The following VAV3 variants were observed in gnomAD, a reference collection of about 807,000 sequenced individuals.
VAV3 encodes the protein guanine nucleotide exchange factor VAV3.
A neutral mutation model predicts 131.2 loss-of-function variants in VAV3; 94 were observed. The observed-to-expected ratio is 0.72, with a 90% CI of 0.61 to 0.85. The LOEUF (loss-of-function observed/expected upper bound fraction) is 0.85, where lower values mean the gene tolerates loss of function less well. Ranked by LOEUF, VAV3 falls within the 40% of genes least tolerant of loss-of-function variation. The pLI is 0.00. For missense variants in VAV3, 939 were observed against 1,002.7 expected (o/e 0.94, Z 0.86); for synonymous variants, 349 against 342.0 (o/e 1.02, Z -0.22).
At chr1:107,800,301 A>T (rs907345328) in intron 2 of VAV3, among the ~76,000 whole-genome samples, 2 of 152,142 alleles carry the variant, frequency 1.3e-5, no homozygotes, top group Non-Finnish European at 2.9e-5. Flanking sequence ...TACCATTTAC[A>T]TTCCCACCAA....
At chr1:107,663,454 T>C (rs757718451) in intron 19 of VAV3, among the ~76,000 whole-genome samples, 5 of 152,162 alleles carry the variant, frequency 3.3e-5, no homozygotes, top group African/African-American at 4.8e-5. Context: ...AAACTTTCTC[T>C]AGATTTTTGA....
At chr1:107,737,706 C>T (rs531798829) in intron 15 of VAV3, among the ~76,000 whole-genome samples, 57 of 152,280 alleles carry the variant, frequency 3.7e-4, no homozygotes, top group African/African-American at 1.3e-3. Context: ...CAGGAAACAA[C>T]AGGTGCTGGA....
chr1:107,812,967 C>A (rs191535121), intron 2 of VAV3, among the ~76,000 whole-genome samples: 51 of 151,750 alleles, frequency 3.4e-4, no homozygotes, highest in African/African-American at 1.1e-3. Flanking sequence ...ACTAAAAATA[C>A]AAAAAATTAG....
intron 15 of VAV3, among the ~76,000 whole-genome samples, chr1:107,736,176 C>G (rs538886302): frequency 6.6e-6 from 1 of 152,312 alleles, no homozygotes; most frequent in South Asian, 2.1e-4. Flanking sequence ...ACTGAAAACT[C>G]TCAATAAACT....
chr1:107,615,451 C>T (rs934247298), intron 21 of VAV3, among the ~76,000 whole-genome samples: 1 of 152,056 alleles, frequency 6.6e-6, no homozygotes, highest in Admixed American at 6.6e-5. Context: ...AAAATCAGCT[C>T]GAGATGGATT....
At chr1:107,625,320 G>GCGAT (rs1203926587) in intron 20 of VAV3, among the ~76,000 whole-genome samples, 9 of 150,804 alleles carry the variant, frequency 6.0e-5, no homozygotes, top group African/African-American at 2.2e-4. Flanking sequence ...GTGCAATGGC[G>GCGAT]CGATCTCTGG....
At chr1:107,585,492 C>T (rs1004902961) in intron 25 of VAV3, among the ~76,000 whole-genome samples, 1 of 152,114 alleles carries the variant, frequency 6.6e-6, no homozygotes, top group Non-Finnish European at 1.5e-5. Context: ...TCCTTTAGGG[C>T]CTTAAGTGAT....
chr1:107,574,009 C>G, intron 26 of VAV3, 38 bp downstream of exon 26: 3 of 1,607,244 alleles, frequency 1.9e-6, no homozygotes, highest in Non-Finnish European at 2.5e-6. Context: ...CAGTCCCCTT[C>G]TTTCACATGC....
intron 1 of VAV3, among the ~76,000 whole-genome samples, chr1:107,888,833 ATTT>A (rs1215061903): frequency 6.6e-6 from 1 of 151,686 alleles, no homozygotes; most frequent in Non-Finnish European, 1.5e-5. Context: ...ATTACATTCT[ATTT>A]TCTGTCTATA....
intron 2 of VAV3, 54 bp downstream of exon 2, chr1:107,874,847 T>G: frequency 6.7e-7 from 1 of 1,484,306 alleles, no homozygotes; most frequent in South Asian, 1.1e-5. Flanking sequence ...TTTGAAACAA[T>G]TTGCTTAAAT....
chr1:107,964,900 G>T lies in VAV3; in HGVS notation c.-31C>A, dbSNP rs753779704. On this transcript the variant is annotated 5_prime_UTR_variant, in exon 1 of 27. Transcript: ENST00000370056. The stretch of plus-strand genomic sequence containing the variant: ...ACGGCTCCGGGACGCGGCTGGGCCG[G>T]GGCGGGCGGCAAGGATGCGGCCGCC... 1.1e-5 allele frequency: 15 copies of T among 1,352,598 alleles called. No individual in the cohort carries two copies. Among genetic ancestry groups the T allele is most frequent in the African/African-American group, 1.5e-5 (1 of 66,246 alleles). 83.8% of individuals were successfully genotyped at this position (1,352,598 alleles called of 1,614,324 possible).
chr1:107,850,577 G>T (rs773800520), intron 2 of VAV3, among the ~76,000 whole-genome samples: 7 of 151,922 alleles, frequency 4.6e-5, no homozygotes, highest in African/African-American at 1.5e-4. Flanking sequence ...GTCGAGGGGT[G>T]GGGGGCAAGG....
intron 2 of VAV3, among the ~76,000 whole-genome samples, chr1:107,790,134 G>A (rs1036841979): frequency 2.0e-5 from 3 of 152,202 alleles, no homozygotes; most frequent in Non-Finnish European, 2.9e-5. Flanking sequence ...ACTTCTAGAA[G>A]CCCATGGCCT....
intron 17 of VAV3, among the ~76,000 whole-genome samples, chr1:107,688,897 T>C (rs1429977867): frequency 6.6e-6 from 1 of 152,184 alleles, no homozygotes; most frequent in Non-Finnish European, 1.5e-5. Flanking sequence ...CTTTTATTTT[T>C]AATTTTGGCA....
chr1:107,607,969 G>A (rs1156605517), intron 22 of VAV3, among the ~76,000 whole-genome samples: 15 of 152,136 alleles, frequency 9.9e-5, no homozygotes, highest in Admixed American at 9.8e-4. Flanking sequence ...TTCTGGGGGA[G>A]TTGATCATTT....
intron 2 of VAV3, among the ~76,000 whole-genome samples, chr1:107,804,204 G>A (rs1666956083): frequency 6.6e-6 from 1 of 152,048 alleles, no homozygotes; most frequent in Admixed American, 6.6e-5. Flanking sequence ...TCCAGCCTAT[G>A]TCTTTTAATT....
At chr1:107,724,247 T>C (rs969890315) in intron 15 of VAV3, among the ~76,000 whole-genome samples, 2 of 151,958 alleles carry the variant, frequency 1.3e-5, no homozygotes, top group African/African-American at 4.8e-5. Flanking sequence ...TGAATAGTCT[T>C]CCTTCCCTCT....
Position 107,880,669 on chromosome 1 carries a change from A to G in VAV3, c.205-5652T>C, listed in dbSNP as rs1342372381. ...AGATTAGCTGGCTGTGGTGGCACACACCTATGGTCCCAGTTACTGGGGAGG... is the reference window on the plus strand; with the variant it reads ...AGATTAGCTGGCTGTGGTGGCACACGCCTATGGTCCCAGTTACTGGGGAGG... On this transcript the variant is annotated intron_variant, in intron 1 of 26. Transcript: ENST00000370056. Among the ~76,000 whole-genome samples the G allele has an allele frequency of 5.9e-5, 9 of 152,038 alleles. No individual in the cohort carries two copies. In the East Asian group the frequency reaches 1.7e-3, roughly 29 times the overall value.
At position 107,650,711 on chromosome 1, in the gene VAV3, CT is replaced by C. The variant is rs1451455810; in HGVS notation, c.1778-7957del. 1.3e-3 allele frequency among the ~76,000 whole-genome samples: 147 copies of C among 111,890 alleles called. 1 individual carries two copies. Among genetic ancestry groups the C allele is most frequent in the African/African-American group, 5.1e-3 (140 of 27,428 alleles). 73.4% of individuals were successfully genotyped at this position (111,890 alleles called of 152,430 possible). A position where few individuals can be genotyped will look rare whatever the true frequency, so the allele number is the denominator to read the frequency against. ...TCTTCTAATGCTATCCCTCCCCCCC[CT>C]CCCCCCACCCCACAACAGTCCCAGA... On this transcript the variant is annotated intron_variant, in intron 19 of 26. Coordinates refer to ENST00000370056, the MANE Select transcript of VAV3 (RefSeq NM_006113.5).
Sources: gnomAD v4.1 joint callset for allele counts (sites outside exome capture counted in the v4.1 genomes callset) on GRCh38, gnomAD v4.1.1 for gene constraint, MANE v1.5 for transcripts, NCBI Gene and HGNC (gene_info 2026-07-23, HGNC 2026-07-21) for gene names.